The following ADGRV1 variants were observed in gnomAD, a reference collection of about 807,000 sequenced individuals.
ADGRV1 encodes adhesion G protein-coupled receptor V1, also known as G-protein coupled receptor 98.
In ADGRV1, 359 loss-of-function variants were observed where a neutral mutation model predicts 596.2. The observed-to-expected ratio is 0.60, with a 90% CI of 0.55 to 0.66. The LOEUF is 0.66. Among genes scored for constraint, ADGRV1 ranks in the 30% least tolerant of loss-of-function variants. The pLI is 0.00. For synonymous variants in ADGRV1, 2,681 were observed against 2,679.2 expected, an observed-to-expected ratio of 1.00 and a Z score of -0.02; for missense variants, 7,274 against 7,575.6, an observed-to-expected ratio of 0.96 and a Z score of 1.48.
chr5:90,965,277 A>G, intron 83 of ADGRV1, 138 bp from the exon 84 acceptor site: 2 of 620,670 alleles, frequency 3.2e-6, no homozygotes, highest in African/African-American at 1.8e-5. Flanking sequence ...TCTTAGTCAT[A>G]TCAGTTTGGG....
At chr5:90,972,030 A>G (rs973219457) in intron 84 of ADGRV1, among the ~76,000 whole-genome samples, 1 of 152,172 alleles carries the variant, frequency 6.6e-6, no homozygotes, top group Non-Finnish European at 1.5e-5. Context: ...ATGGAAAACA[A>G]AAAAAGGCAG....
At chr5:90,976,344 A>ATATATATATATG (rs1466770133) in intron 84 of ADGRV1, among the ~76,000 whole-genome samples, 6 of 143,356 alleles carry the variant, frequency 4.2e-5, no homozygotes, top group Admixed American at 1.4e-4. Context: ...ATATATATAT[A>ATATATATATATG]TATATGTATA....
chr5:90,803,790 T>C (rs994472521), intron 71 of ADGRV1, among the ~76,000 whole-genome samples: 1 of 152,178 alleles, frequency 6.6e-6, no homozygotes, highest in Non-Finnish European at 1.5e-5. Flanking sequence ...GATTAATGCT[T>C]TGAATTTTGT....
intron 29 of ADGRV1, among the ~76,000 whole-genome samples, chr5:90,688,586 A>G (rs1328613339): frequency 1.3e-5 from 2 of 152,112 alleles, no homozygotes; most frequent in African/African-American, 2.4e-5. Context: ...CGATCTCTTG[A>G]CCTCATGATC....
intron 83 of ADGRV1, among the ~76,000 whole-genome samples, chr5:90,889,684 G>A (rs1057381016): frequency 3.3e-5 from 5 of 151,346 alleles, no homozygotes; most frequent in African/African-American, 9.7e-5. Context: ...AAATTTTTTT[G>A]TGCATAATTT....
intron 20 of ADGRV1, 21 bp downstream of exon 20, chr5:90,653,973 T>C (rs1382820272): frequency 6.4e-7 from 1 of 1,551,446 alleles, no homozygotes. Context: ...TCATCACAAC[T>C]AGGACACTGA....
chr5:90,967,386 TG>T (rs1295056594), intron 84 of ADGRV1, among the ~76,000 whole-genome samples: 2 of 152,190 alleles, frequency 1.3e-5, no homozygotes, highest in Non-Finnish European at 2.9e-5. Context: ...CAAAAAAATT[TG>T]CAAATAAAAG....
intron 85 of ADGRV1, among the ~76,000 whole-genome samples, chr5:91,006,704 A>T (rs1287731195): frequency 1.3e-5 from 2 of 152,216 alleles, no homozygotes; most frequent in Non-Finnish European, 2.9e-5. Flanking sequence ...GTGATTTTTT[A>T]AATTAAAAAT....
chr5:90,850,842 G>A (rs1281012889), intron 79 of ADGRV1: 3 of 151,960 alleles, frequency 2.0e-5, no homozygotes, highest in Non-Finnish European at 4.4e-5. Context: ...TTGTTTTGTT[G>A]AATGCTGTAT....
Position 90,627,917 on chromosome 5 carries a change from GAC to G in ADGRV1, c.1238+185_1238+186del, listed in dbSNP as rs3041948. On this transcript the variant is annotated intron_variant, in intron 7 of 89. Transcript: ENST00000405460. ...AAAGTTTCATGACAAACTCAGAAAA[GAC>G]ACACACACACACACACACACACACA... 12,659 of 229,766 alleles carry G rather than the reference GAC, an allele frequency of 0.055. 234 individuals carry two copies. Among genetic ancestry groups the G allele is most frequent in the African/African-American group, 0.084 (3,089 of 36,656 alleles). 14.2% of individuals were successfully genotyped at this position (229,766 alleles called of 1,614,324 possible).
At chr5:90,587,716 C>T (rs935341305) in intron 1 of ADGRV1, among the ~76,000 whole-genome samples, 1 of 151,970 alleles carries the variant, frequency 6.6e-6, no homozygotes, top group Non-Finnish European at 1.5e-5. Flanking sequence ...CGCCACCATG[C>T]CCAGCTAATT....
At chr5:90,574,992 A>G (rs1211129317) in intron 1 of ADGRV1, among the ~76,000 whole-genome samples, 2 of 151,824 alleles carry the variant, frequency 1.3e-5, no homozygotes, top group African/African-American at 2.4e-5. Context: ...TTCTTTGTTA[A>G]TCTAGCCAGG....
Position 90,674,140 on chromosome 5 carries a change from T to A in ADGRV1, c.5016T>A (p.Asp1672Glu). ...RVTLVSAIPGDGKLGSTPTSG... is the reference protein window; with the variant it reads ...RVTLVSAIPGEGKLGSTPTSG... The stretch of plus-strand genomic sequence containing the variant: ...CATTGGTTTCTGCAATTCCTGGAGA[T>A]GGGAAGCTAGGCTCAACTCCTACCA... The change falls in exon 23 of 90, where the codon GAT (aspartate) becomes GAA (glutamate). Residue 1672 changes from aspartate to glutamate, a missense_variant. Asp to Glu is a conservative substitution (Grantham distance 45). Around this residue, in one of 5 missense-constraint regions of ADGRV1, gnomAD observed 3,643 missense variants for 3,809.2 expected, o/e 0.96. Coordinates refer to ENST00000405460, the MANE Select transcript of ADGRV1 (RefSeq NM_032119.4). 1 of 1,613,560 alleles carries A rather than the reference T, an allele frequency of 6.2e-7. No homozygotes were observed. The highest frequency in any genetic ancestry group is 8.5e-7 in the Non-Finnish European group (1 of 1,179,656).
chr5:90,919,271 A>G (rs752518313), intron 83 of ADGRV1, among the ~76,000 whole-genome samples: 9 of 152,200 alleles, frequency 5.9e-5, no homozygotes, highest in African/African-American at 2.2e-4. Context: ...CAGCATCTAT[A>G]TATTCCCAAA....
In ADGRV1 at chr5:90,777,883, A is replaced by G. The variant is rs1195030210; in HGVS notation, c.12528-22A>G. 6.3e-6 allele frequency: 10 copies of G among 1,586,512 alleles called. No homozygotes were observed. In the Admixed American group the frequency reaches 1.4e-4, roughly 22 times the overall value. On this transcript the variant is annotated intron_variant, in intron 61 of 89. Transcript: ENST00000405460. ...TACCTTCAACTGAAATGTATTGGAT[A>G]TACATTTGTTTATTGTTGTAGCCTT...
chr5:90,932,956 G>C (rs1437537709), intron 83 of ADGRV1, among the ~76,000 whole-genome samples: 1 of 152,096 alleles, frequency 6.6e-6, no homozygotes, highest in African/African-American at 2.4e-5. Context: ...TGATATGCAG[G>C]CCCCACGTAT....
chr5:90,733,423 T>C (rs755237769), intron 50 of ADGRV1, among the ~76,000 whole-genome samples: 16 of 152,162 alleles, frequency 1.1e-4, no homozygotes, highest in Non-Finnish European at 2.1e-4. Flanking sequence ...GAGACATCCA[T>C]GCGTGGGGAT....
chr5:91,058,792 C>T (rs1326386339), intron 85 of ADGRV1, among the ~76,000 whole-genome samples: 1 of 152,154 alleles, frequency 6.6e-6, no homozygotes, highest in East Asian at 1.9e-4. Flanking sequence ...TCCTCCTTCC[C>T]CTCATGCGGA....
chr5:90,799,212 A>G (rs1215851209), intron 70 of ADGRV1, among the ~76,000 whole-genome samples: 1 of 152,216 alleles, frequency 6.6e-6, no homozygotes, highest in African/African-American at 2.4e-5. Context: ...TTAAGCTGAT[A>G]AGCAACTTCA....
Sources: gnomAD v4.1 joint callset for allele counts (sites outside exome capture counted in the v4.1 genomes callset) on GRCh38, gnomAD v4.1.1 for gene constraint, gnomAD v4.1.1 regional missense constraint, MANE v1.5 for transcripts, NCBI Gene and HGNC (gene_info 2026-07-23, HGNC 2026-07-21) for gene names.